MGAT5: variants seen among roughly 807,000 people sequenced by gnomAD.
MGAT5 encodes alpha-1,6-mannosylglycoprotein 6-beta-N-acetylglucosaminyltransferase A.
A neutral mutation model predicts 94.3 loss-of-function variants in MGAT5; 30 were observed. The observed-to-expected ratio is 0.32, with a 90% CI of 0.24 to 0.43. The LOEUF (loss-of-function observed/expected upper bound fraction) is 0.43. Among genes scored for constraint, MGAT5 ranks in the 20% least tolerant of loss-of-function variants. MGAT5 has a pLI of 1.00. For missense variants in MGAT5, 691 were observed against 905.5 expected (o/e 0.76, Z 3.04); for synonymous variants, 310 against 322.9 (o/e 0.96, Z 0.43).
chr2:134,394,416 T>C (rs1327641640), intron 10 of MGAT5, among the ~76,000 whole-genome samples: 1 of 152,194 alleles, frequency 6.6e-6, no homozygotes, highest in Non-Finnish European at 1.5e-5. Flanking sequence ...AATACTGTCC[T>C]TTAACATGAA....
intron 1 of MGAT5, among the ~76,000 whole-genome samples, chr2:134,262,001 G>C (rs549720386): frequency 2.6e-5 from 4 of 152,302 alleles, no homozygotes; most frequent in East Asian, 3.9e-4. Flanking sequence ...GTTTATTCTG[G>C]AAGGTAGTTA....
chr2:134,314,419 G>T (rs538299678), intron 2 of MGAT5, among the ~76,000 whole-genome samples: 1 of 152,316 alleles, frequency 6.6e-6, no homozygotes, highest in South Asian at 2.1e-4. Context: ...CTGAGCCCAG[G>T]AGTCAGGCCC....
At chr2:134,387,332 A>ATATATATATATATTTTT in intron 10 of MGAT5, among the ~76,000 whole-genome samples, 6 of 24,258 alleles carry the variant, frequency 2.5e-4, no homozygotes, top group East Asian at 2.7e-3. Context: ...ATATATATAT[A>ATATATATATATATTTTT]TTTTTTTTTT....
At chr2:134,278,759 C>A (rs1356474787) in intron 2 of MGAT5, among the ~76,000 whole-genome samples, 2 of 152,194 alleles carry the variant, frequency 1.3e-5, no homozygotes, top group Admixed American at 1.3e-4. Flanking sequence ...GAGCCCAAAC[C>A]CCTGCCTGCA....
intron 2 of MGAT5, among the ~76,000 whole-genome samples, chr2:134,309,309 G>A (rs906789525): frequency 2.6e-4 from 39 of 152,136 alleles, no homozygotes; most frequent in African/African-American, 8.9e-4. Flanking sequence ...GTGTAGTTAT[G>A]TTTTTATTCT....
At chr2:134,130,212 ACACCG>A (rs1558947491) in intron 1 of MGAT5, among the ~76,000 whole-genome samples, 16 of 35,258 alleles carry the variant, frequency 4.5e-4, no homozygotes, top group Non-Finnish European at 9.2e-4. Context: ...GCCCCGCCCC[ACACCG>A]CCCCACACCG....
At chr2:134,230,189 G>A (rs995851195) in intron 1 of MGAT5, among the ~76,000 whole-genome samples, 7 of 152,200 alleles carry the variant, frequency 4.6e-5, no homozygotes, top group African/African-American at 7.2e-5. Context: ...CTCATAAGGA[G>A]TGTGCCACCT....
At chr2:134,260,121 G>A (rs1683226739) in intron 1 of MGAT5, among the ~76,000 whole-genome samples, 1 of 152,166 alleles carries the variant, frequency 6.6e-6, no homozygotes, top group African/African-American at 2.4e-5. Context: ...CTAGAACGAA[G>A]CAAGCAAGCA....
At chr2:134,292,188 T>C (rs1685409112) in intron 2 of MGAT5, among the ~76,000 whole-genome samples, 2 of 152,238 alleles carry the variant, frequency 1.3e-5, no homozygotes, top group African/African-American at 4.8e-5. Context: ...TGTGTGGTTT[T>C]CAGATTGCGT....
intron 14 of MGAT5, among the ~76,000 whole-genome samples, chr2:134,429,246 A>G (rs2106380815): frequency 6.6e-6 from 1 of 152,342 alleles, no homozygotes; most frequent in South Asian, 2.1e-4. Context: ...TTGAAAATCT[A>G]AGTAGGCCCA....
chr2:134,428,533 C>A, intron 14 of MGAT5, 94 bp downstream of exon 14: 1 of 1,159,628 alleles, frequency 8.6e-7, no homozygotes, highest in Non-Finnish European at 1.3e-6. Flanking sequence ...CACTGTGTTT[C>A]TGTGGCTATT....
Position 134,450,774 on chromosome 2 carries a change from T to G in MGAT5, c.*1927T>G, listed in dbSNP as rs1366687499. ...AAGGGCAGAAGTCCAAAGGAAACCT[T>G]GGTGAGTGAGTGTGTGTGTGTGTGT... On this transcript the variant is annotated 3_prime_UTR_variant, in exon 16 of 16. Coordinates refer to ENST00000281923, the MANE Select transcript of MGAT5 (RefSeq NM_002410.5). 1.4e-5 allele frequency: 2 copies of G among 143,754 alleles called. No homozygotes were observed. Among genetic ancestry groups the G allele is most frequent in the African/African-American group, 2.7e-5 (1 of 37,062 alleles). The allele number at this position is 143,754 out of a possible 1,614,324, so 8.9% of individuals were successfully genotyped here.
At chr2:134,128,731 T>TA (rs1208209166) in intron 1 of MGAT5, among the ~76,000 whole-genome samples, 2 of 152,020 alleles carry the variant, frequency 1.3e-5, no homozygotes, top group African/African-American at 4.8e-5. Flanking sequence ...GCTAAATTTT[T>TA]AAAAAAAATT....
At chr2:134,200,936 G>T (rs1679756738) in intron 1 of MGAT5, among the ~76,000 whole-genome samples, 1 of 152,032 alleles carries the variant, frequency 6.6e-6, no homozygotes. Context: ...GAGGCAGGAG[G>T]ATTGCTTGGT....
intron 2 of MGAT5, among the ~76,000 whole-genome samples, chr2:134,285,090 A>G (rs1684923282): frequency 6.6e-6 from 1 of 152,182 alleles, no homozygotes; most frequent in Non-Finnish European, 1.5e-5. Flanking sequence ...AATTGTCTCT[A>G]GAGAAATATC....
chr2:134,417,829 T>C (rs555349072), intron 12 of MGAT5, among the ~76,000 whole-genome samples: 1 of 152,288 alleles, frequency 6.6e-6, no homozygotes, highest in South Asian at 2.1e-4. Flanking sequence ...AAATACAGTA[T>C]TTATTGTATC....
At chr2:134,263,090 G>GT (rs1558742232) in intron 1 of MGAT5, among the ~76,000 whole-genome samples, 1 of 152,196 alleles carries the variant, frequency 6.6e-6, no homozygotes, top group African/African-American at 2.4e-5. Context: ...AAGCAGTAGT[G>GT]TGCGAGGCCA....
At chr2:134,168,829 GGTT>G (rs1688070294) in intron 1 of MGAT5, among the ~76,000 whole-genome samples, 1 of 152,200 alleles carries the variant, frequency 6.6e-6, no homozygotes, top group Admixed American at 6.5e-5. Flanking sequence ...GGAAATCCGT[GGTT>G]GTTTTTGGTA....
intron 1 of MGAT5, among the ~76,000 whole-genome samples, chr2:134,130,125 G>T (rs1191586973): frequency 2.0e-5 from 3 of 151,708 alleles, no homozygotes; most frequent in Non-Finnish European, 4.4e-5. Flanking sequence ...TCCGCACCAG[G>T]CTGGAATTCT....
Sources: allele counts gnomAD v4.1 joint callset (sites outside exome capture counted in the v4.1 genomes callset), GRCh38; gene constraint gnomAD v4.1.1; transcripts MANE v1.5; gene names NCBI Gene and HGNC (gene_info 2026-07-23, HGNC 2026-07-21).